Variants in RBBP5 observed in about 807,000 individuals in gnomAD.
The protein encoded by RBBP5 is RB binding protein 5, histone lysine methyltransferase complex subunit, also known as retinoblastoma-binding protein 5.
A neutral mutation model predicts 72.2 loss-of-function variants in RBBP5; 5 were observed. The ratio of observed to expected loss-of-function variants is 0.07; its 90% confidence interval spans 0.04 to 0.15. The LOEUF is 0.15. Ranked by LOEUF, RBBP5 falls within the 10% of genes least tolerant of loss-of-function variation. RBBP5 has a pLI of 1.00. For missense variants in RBBP5, 322 were observed against 652.2 expected (o/e 0.49, Z 5.51); for synonymous variants, 209 against 237.2 (o/e 0.88, Z 1.09).
intron 4 of RBBP5, among the ~76,000 whole-genome samples, chr1:205,104,484 T>C (rs776191614): frequency 7.9e-5 from 12 of 151,378 alleles, no homozygotes; most frequent in East Asian, 2.0e-4. Flanking sequence ...GACTGTGCCA[T>C]TGCACTCCAG....
chr1:205,099,716 G>A lies in RBBP5; in HGVS notation c.978+25C>T, dbSNP rs751932944. On this transcript the variant is annotated intron_variant, in intron 9 of 13. Coordinates refer to ENST00000264515, the MANE Select transcript of RBBP5 (RefSeq NM_005057.4). This position sits in a 1 kb window ranked among gnomAD's most constrained non-coding sequence, Gnocchi z 4.7. The stretch of plus-strand genomic sequence containing the variant: ...ATAAAAAGAAGGGGTAACTAGTTTC[G>A]AAGCAAGTAAAATAGAATACTTACT... 2.7e-5 allele frequency: 42 copies of A among 1,576,654 alleles called. 1 individual carries two copies. In the South Asian group the frequency reaches 3.6e-4, roughly 14 times the overall value.
chr1:205,091,535 T>C (rs1459334345), intron 13 of RBBP5: 1 of 152,158 alleles, frequency 6.6e-6, no homozygotes, highest in Non-Finnish European at 1.5e-5. Context: ...AGCCCCAGAT[T>C]CCAGATGGCC....
intron 3 of RBBP5, among the ~76,000 whole-genome samples, chr1:205,110,876 C>T (rs916947463): frequency 1.2e-4 from 19 of 152,194 alleles, no homozygotes; most frequent in African/African-American, 4.6e-4. Context: ...CTGGCCTGGC[C>T]AACATGGTGA....
Position 205,096,831 on chromosome 1 carries a change from T to A in RBBP5, c.1247A>T (p.Tyr416Phe). The change falls in exon 12 of 14, where the codon TAC (tyrosine) becomes TTC (phenylalanine). Residue 416 changes from tyrosine (Y) to phenylalanine (F), a missense_variant. Physicochemically the swap from Tyr to Phe is conservative, Grantham distance 22. This residue lies in a region of RBBP5 where 109 missense variants were observed against 146.3 expected (regional missense o/e 0.75). Transcript: ENST00000264515. Reference protein sequence around the residue: ...PEVEDPEENPYGPPPDAVQTS... With the variant: ...PEVEDPEENPFGPPPDAVQTS... ...TTGGACTGCATCCGGTGGGGGGCCG[T>A]AAGGATTTTCTTCTGGGTCTTCTAC... 1 of 1,614,046 alleles carries A rather than the reference T, an allele frequency of 6.2e-7. No homozygotes were observed. The highest frequency in any genetic ancestry group is 8.5e-7 in the Non-Finnish European group (1 of 1,180,006).
Position 205,099,591 on chromosome 1 carries a change from G to C in RBBP5, c.978+150C>G, listed in dbSNP as rs1655744018. 3 of 754,096 alleles carry C rather than the reference G, an allele frequency of 4.0e-6. No individual in the cohort carries two copies. Among genetic ancestry groups the C allele is most frequent in the African/African-American group, 3.6e-5 (2 of 56,130 alleles). The allele number at this position is 754,096 out of a possible 1,614,324, so 46.7% of individuals were successfully genotyped here. A position where few individuals can be genotyped will look rare whatever the true frequency, so the allele number is the denominator to read the frequency against. On this transcript the variant is annotated intron_variant, in intron 9 of 13. Coordinates refer to ENST00000264515, the MANE Select transcript of RBBP5 (RefSeq NM_005057.4). This position sits in a 1 kb window ranked among gnomAD's most constrained non-coding sequence, Gnocchi z 4.7. ...CAAGACCTTCCCACCAAAATAAAGT[G>C]CAACTAGATGCACTGAACCTATGTA...
At chr1:205,097,229 G>T in intron 11 of RBBP5, 97 bp downstream of exon 11, 1 of 1,173,638 alleles carries the variant, frequency 8.5e-7, no homozygotes, top group Non-Finnish European at 1.2e-6. Flanking sequence ...CTAATAAGCA[G>T]ACGGGAATGA....
Position 205,121,938 on chromosome 1 carries a change from G to C in RBBP5, c.-65C>G. On this transcript the variant is annotated 5_prime_UTR_variant, in exon 1 of 14. Coordinates refer to ENST00000264515, the MANE Select transcript of RBBP5 (RefSeq NM_005057.4). ...AACACCTTCTCCCCGGCCGGCTTCAGCAACTTGCGTCTAAGTGGTGGACGC... is the reference window on the plus strand; with the variant it reads ...AACACCTTCTCCCCGGCCGGCTTCACCAACTTGCGTCTAAGTGGTGGACGC... 2 of 1,602,718 alleles carry C rather than the reference G, an allele frequency of 1.2e-6. No individual in the cohort carries two copies. Among genetic ancestry groups the C allele is most frequent in the South Asian group, 2.2e-5 (2 of 90,978 alleles).
intron 3 of RBBP5, among the ~76,000 whole-genome samples, chr1:205,113,521 TC>T (rs1253813709): frequency 1.3e-5 from 2 of 152,058 alleles, no homozygotes; most frequent in Non-Finnish European, 2.9e-5. Context: ...CATCTCAGCC[TC>T]CCAAAGCGCT....
At chr1:205,105,694 T>C (rs896381369) in intron 3 of RBBP5, among the ~76,000 whole-genome samples, 4 of 152,200 alleles carry the variant, frequency 2.6e-5, no homozygotes, top group Non-Finnish European at 5.9e-5. Flanking sequence ...CCAGAGACTG[T>C]AGAATCTTAA....
intron 1 of RBBP5, among the ~76,000 whole-genome samples, chr1:205,121,213 G>A (rs1276134971): frequency 6.6e-6 from 1 of 152,188 alleles, no homozygotes; most frequent in East Asian, 1.9e-4. Flanking sequence ...CTGGATAGGA[G>A]GTAAGGAGGC....
chr1:205,111,889 C>T (rs1656329743), intron 3 of RBBP5, among the ~76,000 whole-genome samples: 1 of 152,106 alleles, frequency 6.6e-6, no homozygotes, highest in Non-Finnish European at 1.5e-5. Context: ...ATGTCCCATA[C>T]CACAATCCAG....
chr1:205,108,411 A>G (rs563292099), intron 3 of RBBP5, among the ~76,000 whole-genome samples: 22 of 152,342 alleles, frequency 1.4e-4, no homozygotes, highest in African/African-American at 5.0e-4. Flanking sequence ...TCTACACTTC[A>G]CTTGAACTGG....
rs1655460833 is a variant in RBBP5 at position 205,093,482 on chromosome 1, ATATATATATATATATAT to A, written c.1588+1374_1588+1390del. 1.4e-3 allele frequency among the ~76,000 whole-genome samples: 8 copies of A among 5,844 alleles called. 1 individual carries two copies. The highest frequency in any genetic ancestry group is 1.6e-3 in the Non-Finnish European group (3 of 1,922). 3.8% of individuals were successfully genotyped at this position (5,844 alleles called of 152,430 possible). A position where few individuals can be genotyped will look rare whatever the true frequency, so the allele number is the denominator to read the frequency against. ...TCAAAAAAAAAAAAAAAAAAAAAATATATATATATATATATATATATATATATATATATATATATATA... is the reference window on the plus strand; with the variant it reads ...TCAAAAAAAAAAAAAAAAAAAAAATAATATATATATATATATATATATATA... On this transcript the variant is annotated intron_variant, in intron 13 of 13. Transcript: ENST00000264515.
In RBBP5 at chr1:205,096,716, T is replaced by C. The variant is rs754755833; in HGVS notation, c.1362A>G (p.Thr454=). The change falls in exon 12 of 14, where the codon ACA becomes ACG. Residue 454 remains threonine, a synonymous_variant. Transcript: ENST00000264515. Reference sequence around the variant, plus strand: ...GTACTCCTTGAAGTTCTATATTGGTTGTTTTGGGTTTCTTCTTAGGTGGCT... The same window carrying C: ...GTACTCCTTGAAGTTCTATATTGGTCGTTTTGGGTTTCTTCTTAGGTGGCT... ...GSQPPKKKPK[T]TNIELQGVPN... is the part of the protein sequence containing the mutation. 6.2e-7 allele frequency: 1 copy of C among 1,614,148 alleles called. No individual in the cohort carries two copies. Among genetic ancestry groups the C allele is most frequent in the Non-Finnish European group, 8.5e-7 (1 of 1,180,008 alleles).
At chr1:205,115,982 G>A (rs763301772) in intron 1 of RBBP5, 99 bp from the exon 2 acceptor site, 2 of 1,611,566 alleles carry the variant, frequency 1.2e-6, no homozygotes, top group East Asian at 2.2e-5. Flanking sequence ...AAAACGAAAA[G>A]GGGGATATGA....
intron 3 of RBBP5, among the ~76,000 whole-genome samples, chr1:205,111,007 T>C (rs964226390): frequency 6.6e-6 from 1 of 152,110 alleles, no homozygotes; most frequent in Non-Finnish European, 1.5e-5. Flanking sequence ...GAGGTTGCAG[T>C]GAGCCGAGAT....
Position 205,105,059 on chromosome 1 carries a change from T to C in RBBP5, c.328A>G (p.Ile110Val). Residue 110 changes from isoleucine (I) to valine (V), a missense_variant, in exon 4 of 14, where the codon ATC (isoleucine) becomes GTC (valine). Physicochemically the swap from Ile to Val is conservative, Grantham distance 29. Coordinates refer to ENST00000264515, the MANE Select transcript of RBBP5 (RefSeq NM_005057.4). ...CDQRFRFPSP[I>V]LKVQYHPRDQ... is the part of the protein sequence containing the mutation. ...CGTGGATGATATTGGACTTTTAAGA[T>C]GGGTGAAGGGAATCGAAACCTCTGG... 6.2e-7 allele frequency: 1 copy of C among 1,614,010 alleles called. No individual in the cohort carries two copies.
rs955799377 is a variant in RBBP5, at chr1:205,117,075, G to A, written c.20-1192C>T. 5.3e-5 allele frequency among the ~76,000 whole-genome samples: 8 copies of A among 151,412 alleles called. No individual in the cohort carries two copies. In the South Asian group the frequency reaches 6.3e-4, roughly 12 times the overall value. On this transcript the variant is annotated intron_variant, in intron 1 of 13. Transcript: ENST00000264515. ...TTTTGTTTGTTTGTTTGTTTGAGAC[G>A]GAGTCTCGGTCTGTCTCCCAGGCTG... is the stretch of plus-strand genomic sequence containing the variant.
intron 3 of RBBP5, among the ~76,000 whole-genome samples, chr1:205,108,907 C>G (rs1656189718): frequency 6.6e-6 from 1 of 152,174 alleles, no homozygotes. Context: ...TGGCTTGGCA[C>G]ATAATAAGTA....
Sources: allele counts gnomAD v4.1 joint callset (sites outside exome capture counted in the v4.1 genomes callset), GRCh38; gene constraint gnomAD v4.1.1; regional missense constraint gnomAD v4.1.1; non-coding constraint Gnocchi (gnomAD v3.1); transcripts MANE v1.5; gene names NCBI Gene and HGNC (gene_info 2026-07-23, HGNC 2026-07-21).